DNA2: variants seen among roughly 807,000 people sequenced by gnomAD.
DNA2 encodes the protein DNA replication ATP-dependent helicase/nuclease DNA2.
In DNA2, 101 loss-of-function variants were observed where a neutral mutation model predicts 119.1. That is an observed-to-expected ratio of 0.85 (90% confidence interval 0.72 to 1.00). DNA2 has a LOEUF of 1.00. Among genes scored for constraint, DNA2 ranks in the 50% least tolerant of loss-of-function variants. The pLI is 0.00. For synonymous variants in DNA2, 366 were observed against 424.4 expected, an observed-to-expected ratio of 0.86 and a Z score of 1.69; for missense variants, 1,121 against 1,255.5, an observed-to-expected ratio of 0.89 and a Z score of 1.62.
chr10:68,446,475 C>G (rs2052042003), intron 6 of DNA2, 62 bp from the exon 7 acceptor site: 2 of 1,024,478 alleles, frequency 2.0e-6, no homozygotes, highest in African/African-American at 3.2e-5. Context: ...CTTACATTGT[C>G]TTGCAACCAA....
rs148006132 is a variant in DNA2 at position 68,423,280 on chromosome 10, T to C, written c.2209-390A>G. Among the ~76,000 whole-genome samples the C allele has an allele frequency of 8.8e-3, 1,239 of 140,334 alleles. 18 individuals are homozygous for C. The highest frequency in any genetic ancestry group is 0.033 in the African/African-American group (1,153 of 35,034). 92.1% of individuals were successfully genotyped at this position (140,334 alleles called of 152,430 possible). A position where few individuals can be genotyped will look rare whatever the true frequency, so the allele number is the denominator to read the frequency against. On this transcript the variant is annotated intron_variant, in intron 14 of 20. Transcript: ENST00000358410. ...AACGACAACTAAAATCCCTAGGCAT[T>C]ATATATAAAAAAAAAAAACAAAAGA...
chr10:68,441,555 A>G (rs1446193249), intron 9 of DNA2, among the ~76,000 whole-genome samples: 1 of 151,986 alleles, frequency 6.6e-6, no homozygotes, highest in Admixed American at 6.6e-5. Context: ...AGGTGGGTGG[A>G]TCACTAAGTC....
At chr10:68,457,373 G>C (rs2052198502) in intron 5 of DNA2, among the ~76,000 whole-genome samples, 1 of 152,162 alleles carries the variant, frequency 6.6e-6, no homozygotes, top group Non-Finnish European at 1.5e-5. Context: ...CCTACAGACA[G>C]CTGTACGGTT....
At chr10:68,457,230 A>G (rs555331792) in intron 5 of DNA2, among the ~76,000 whole-genome samples, 1 of 152,120 alleles carries the variant, frequency 6.6e-6, no homozygotes, top group Non-Finnish European at 1.5e-5. Flanking sequence ...ATAAGGCTCC[A>G]GGGGAACTAC....
At chr10:68,461,683 C>G (rs2052260712) in intron 4 of DNA2, among the ~76,000 whole-genome samples, 1 of 151,876 alleles carries the variant, frequency 6.6e-6, no homozygotes, top group South Asian at 2.1e-4. Context: ...ACAAAATTAG[C>G]CAGGCATGGT....
chr10:68,464,515 G>A (rs569126359), intron 4 of DNA2, among the ~76,000 whole-genome samples: 9 of 151,158 alleles, frequency 6.0e-5, no homozygotes, highest in Admixed American at 2.0e-4. Context: ...ACTCCGTCTC[G>A]AAAACAAAAC....
chr10:68,438,093 G>T (rs2051916021), intron 9 of DNA2, among the ~76,000 whole-genome samples: 1 of 152,126 alleles, frequency 6.6e-6, no homozygotes, highest in Non-Finnish European at 1.5e-5. Flanking sequence ...TGCACCCACA[G>T]GCTGGGATCT....
chr10:68,446,867 G>A (rs1260281002), intron 6 of DNA2, among the ~76,000 whole-genome samples: 1 of 152,036 alleles, frequency 6.6e-6, no homozygotes, highest in East Asian at 1.9e-4. Context: ...GGTGCGGGGG[G>A]AGAAGTGGGG....
chr10:68,460,110 C>CT lies in DNA2; in HGVS notation c.588-876dup, dbSNP rs368737041. 2.8e-3 allele frequency among the ~76,000 whole-genome samples: 426 copies of CT among 149,960 alleles called. 4 individuals carry two copies. Among genetic ancestry groups the CT allele is most frequent in the African/African-American group, 9.8e-3 (401 of 40,762 alleles). ...TTTCTTCTTTTTCTTTTTCTCTTTT[C>CT]TTTTTTTATTTTTTGAGACAGGGTC... On this transcript the variant is annotated intron_variant, in intron 4 of 20. Coordinates refer to ENST00000358410, the MANE Select transcript of DNA2 (RefSeq NM_001080449.3).
chr10:68,422,999 G>T, intron 14 of DNA2, 109 bp from the exon 15 acceptor site: 2 of 705,880 alleles, frequency 2.8e-6, no homozygotes, highest in Non-Finnish European at 4.5e-6. Flanking sequence ...TATGGCATCA[G>T]GAATCCTTCG....
chr10:68,441,390 TA>T (rs2051966703), intron 9 of DNA2, among the ~76,000 whole-genome samples: 1 of 151,906 alleles, frequency 6.6e-6, no homozygotes, highest in African/African-American at 2.4e-5. Flanking sequence ...ATATTACTAT[TA>T]TTTTTTTAAA....
intron 17 of DNA2, among the ~76,000 whole-genome samples, chr10:68,421,518 C>G (rs2051664453): frequency 6.6e-6 from 1 of 151,972 alleles, no homozygotes; most frequent in Non-Finnish European, 1.5e-5. Context: ...CTCTGGGAGG[C>G]TGAAGCAGGC....
In DNA2 at chr10:68,446,204, TG is replaced by T. The variant is rs1190109864; in HGVS notation, c.1057+91del. 4.4e-6 allele frequency: 3 copies of T among 676,662 alleles called. No homozygotes were observed. In the Admixed American group the frequency reaches 8.4e-5, roughly 19 times the overall value. 41.9% of individuals were successfully genotyped at this position (676,662 alleles called of 1,614,324 possible). A position where few individuals can be genotyped will look rare whatever the true frequency, so the allele number is the denominator to read the frequency against. ...CTACAAATTATAACCTATTAAGTGC[TG>T]TGAGTAGATTGTCAGGTATAAATAT... On this transcript the variant is annotated intron_variant, in intron 7 of 20. Transcript: ENST00000358410.
At chr10:68,468,749 A>C (rs1590078758) in intron 2 of DNA2, among the ~76,000 whole-genome samples, 2 of 152,276 alleles carry the variant, frequency 1.3e-5, no homozygotes, top group East Asian at 3.9e-4. Context: ...AATAAAATCA[A>C]ACTGAACTAG....
At chr10:68,426,209 G>A (rs2051738292) in intron 14 of DNA2, among the ~76,000 whole-genome samples, 2 of 151,136 alleles carry the variant, frequency 1.3e-5, no homozygotes, top group Admixed American at 6.6e-5. Flanking sequence ...ATCTATAAAA[G>A]GAAAAAATGT....
At chr10:68,446,452 C>T (rs1303901956) in intron 6 of DNA2, 39 bp from the exon 7 acceptor site, 1 of 1,235,644 alleles carries the variant, frequency 8.1e-7, no homozygotes, top group East Asian at 2.5e-5. Context: ...AAAACTATAA[C>T]TTCTTGTATT....
In DNA2 at chr10:68,459,196, T is replaced by C; in HGVS notation, c.627A>G (p.Glu209=). Residue 209 remains glutamate, a synonymous_variant, in exon 5 of 21, where the codon GAA becomes GAG. Coordinates refer to ENST00000358410, the MANE Select transcript of DNA2 (RefSeq NM_001080449.3). ...AAAACGAAGGAAGATAGTCCTCTAC[T>C]TCTTGTTTTATTTCATCTTGACTTA... is the stretch of plus-strand genomic sequence containing the variant. ...LNLSQDEIKQ[E]VEDYLPSFCK... is the part of the protein sequence containing the mutation. The C allele has an allele frequency of 6.4e-7, 1 of 1,568,780 alleles. No homozygotes were observed. The highest frequency in any genetic ancestry group is 1.9e-5 in the Admixed American group (1 of 52,694).
rs36124283 is a variant in DNA2, at chr10:68,424,436, C to G, written c.2209-1546G>C. 7.8e-6 allele frequency: 4 copies of G among 511,084 alleles called. No individual in the cohort carries two copies. In the Admixed American group the frequency reaches 1.2e-4, roughly 15 times the overall value. 31.7% of individuals were successfully genotyped at this position (511,084 alleles called of 1,614,324 possible). A position where few individuals can be genotyped will look rare whatever the true frequency, so the allele number is the denominator to read the frequency against. The stretch of plus-strand genomic sequence containing the variant: ...GGAGGATCACTTGAGCCAAGGAGGT[C>G]GAGGCTGCAGTGAGCCTTGATCATG... On this transcript the variant is annotated intron_variant, in intron 14 of 20. Transcript: ENST00000358410.
chr10:68,459,985 C>T (rs1177026353), intron 4 of DNA2, among the ~76,000 whole-genome samples: 5 of 151,596 alleles, frequency 3.3e-5, no homozygotes, highest in African/African-American at 9.7e-5. Context: ...TGAGATCGCA[C>T]CAGTGCACTC....
Sources: gnomAD v4.1 joint callset for allele counts (sites outside exome capture counted in the v4.1 genomes callset) on GRCh38, gnomAD v4.1.1 for gene constraint, MANE v1.5 for transcripts, NCBI Gene and HGNC (gene_info 2026-07-23, HGNC 2026-07-21) for gene names.